The following ING3 variants were observed in gnomAD, a reference collection of about 807,000 sequenced individuals.
The protein encoded by ING3 is inhibitor of growth protein 3.
ING3 carries 6 observed loss-of-function variants against 64.8 expected under a neutral mutation model. The observed-to-expected ratio is 0.09, with a 90% confidence interval of 0.05 to 0.18. The LOEUF (loss-of-function observed/expected upper bound fraction) is 0.18, where lower values mean the gene tolerates loss of function less well. ING3 is among the 10% of genes least tolerant of loss of function. The pLI is 1.00. For synonymous variants in ING3, 170 were observed against 173.7 expected, an observed-to-expected ratio of 0.98 and a Z score of 0.17; for missense variants, 310 against 489.7, an observed-to-expected ratio of 0.63 and a Z score of 3.46.
intron 4 of ING3, among the ~76,000 whole-genome samples, chr7:120,957,466 G>A (rs547575499): frequency 6.6e-6 from 1 of 152,132 alleles, no homozygotes; most frequent in African/African-American, 2.4e-5. Flanking sequence ...AAACTAAAGT[G>A]GAGAATCCAT....
At chr7:120,973,083 A>T (rs191955506) in intron 10 of ING3, 122 bp from the exon 11 acceptor site, 4 of 602,852 alleles carry the variant, frequency 6.6e-6, no homozygotes, top group Non-Finnish European at 1.2e-5. Context: ...TTGATTCTCA[A>T]TGTAATTGTA....
intron 4 of ING3, chr7:120,956,332 A>G: frequency 7.1e-7 from 1 of 1,399,388 alleles, no homozygotes; most frequent in African/African-American, 1.4e-5. Flanking sequence ...CAGAAAACAC[A>G]TGCTCACTTT....
intron 11 of ING3, among the ~76,000 whole-genome samples, chr7:120,974,184 G>A (rs1350142205): frequency 6.7e-6 from 1 of 149,972 alleles, no homozygotes. Flanking sequence ...ATTCCCAGTT[G>A]TGCTCTTCTG....
In ING3 at chr7:120,950,841, C is replaced by A. The variant is rs1795746266; in HGVS notation, c.-56C>A. 1.9e-6 allele frequency: 3 copies of A among 1,594,864 alleles called. No individual in the cohort carries two copies. Among genetic ancestry groups the A allele is most frequent in the African/African-American group, 1.4e-5 (1 of 73,766 alleles). ...GGAGGGGACAAAACTCCGGCGACAGCGAGTGACACAAATAAACCCCTGGAC... is the reference window on the plus strand; with the variant it reads ...GGAGGGGACAAAACTCCGGCGACAGAGAGTGACACAAATAAACCCCTGGAC... On this transcript the variant is annotated 5_prime_UTR_variant, in exon 1 of 12. Transcript: ENST00000315870.
At chr7:120,954,920 GTACTT>G (rs1201354529) in intron 3 of ING3, among the ~76,000 whole-genome samples, 17 of 152,234 alleles carry the variant, frequency 1.1e-4, no homozygotes, top group African/African-American at 4.1e-4. Context: ...GAATGCAAAT[GTACTT>G]TACAAGTTAG....
At chr7:120,962,539 C>T (rs942723467) in intron 4 of ING3, among the ~76,000 whole-genome samples, 4 of 151,680 alleles carry the variant, frequency 2.6e-5, no homozygotes, top group Non-Finnish European at 4.4e-5. Context: ...TCCTTAAATG[C>T]AGAGGTGAAG....
chr7:120,970,703 T>C lies in ING3; in HGVS notation c.924T>C (p.Ser308=), dbSNP rs1296362290. 1.2e-6 allele frequency: 2 copies of C among 1,613,764 alleles called. No homozygotes were observed. Among genetic ancestry groups the C allele is most frequent in the Non-Finnish European group, 1.7e-6 (2 of 1,179,860 alleles). The part of the protein sequence containing the change: ...SGRKSKNNNK[S]SSQQSSSSSS... ...TTTTTTTCAGAAACAACAACAAGTC[T>C]TCAAGCCAGCAGTCATCATCTTCCT... The change falls in exon 10 of 12, where the codon TCT becomes TCC. Residue 308 remains serine (S), a synonymous_variant. Coordinates refer to ENST00000315870, the MANE Select transcript of ING3 (RefSeq NM_019071.3).
chr7:120,968,960 A>G, intron 8 of ING3, 51 bp from the exon 9 acceptor site: 2 of 1,182,100 alleles, frequency 1.7e-6, no homozygotes, highest in Non-Finnish European at 2.4e-6. Context: ...CTTGAAAAAG[A>G]AAATCTACAT....
intron 1 of ING3, 107 bp from the exon 2 acceptor site, chr7:120,951,057 C>G: frequency 6.7e-7 from 1 of 1,496,614 alleles, no homozygotes; most frequent in Non-Finnish European, 9.3e-7. Flanking sequence ...CTGGCAGCCT[C>G]GTTGTGGGCT....
intron 4 of ING3, 39 bp from the exon 5 acceptor site, chr7:120,964,703 C>G: frequency 6.4e-7 from 1 of 1,554,998 alleles, no homozygotes; most frequent in Non-Finnish European, 8.9e-7. Context: ...TAACAGTGTC[C>G]CAAATTTTGG....
chr7:120,956,198 T>G, intron 4 of ING3: 1 of 1,608,198 alleles, frequency 6.2e-7, no homozygotes, highest in Non-Finnish European at 8.5e-7. Context: ...AGAAGATAGA[T>G]AGAATATTCA....
intron 4 of ING3, among the ~76,000 whole-genome samples, chr7:120,964,027 A>AT (rs1219012754): frequency 1.3e-5 from 2 of 152,118 alleles, no homozygotes; most frequent in Non-Finnish European, 2.9e-5. Context: ...ACATTAAGAC[A>AT]TTTTTTGTTA....
chr7:120,965,293 T>C (rs1273090326), intron 5 of ING3, among the ~76,000 whole-genome samples: 2 of 152,184 alleles, frequency 1.3e-5, no homozygotes, highest in African/African-American at 2.4e-5. Context: ...TAACACTACC[T>C]CTTTTTCTTA....
In ING3 at chr7:120,976,748, C is replaced by G. The variant is rs1250662442; in HGVS notation, c.*1904C>G. 2.0e-5 allele frequency: 3 copies of G among 152,152 alleles called. No homozygotes were observed. Among genetic ancestry groups the G allele is most frequent in the Non-Finnish European group, 4.4e-5 (3 of 68,016 alleles). 9.4% of individuals were successfully genotyped at this position (152,152 alleles called of 1,614,324 possible). A position where few individuals can be genotyped will look rare whatever the true frequency, so the allele number is the denominator to read the frequency against. ...GTCTGAGTCAGGAACATCCTGTTAT[C>G]CAGCTGCTACATCCCCTTTCAGTGT... is the stretch of plus-strand genomic sequence containing the variant. On this transcript the variant is annotated 3_prime_UTR_variant, in exon 12 of 12. Coordinates refer to ENST00000315870, the MANE Select transcript of ING3 (RefSeq NM_019071.3).
intron 4 of ING3, chr7:120,956,990 G>A (rs901270477): frequency 1.4e-5 from 5 of 352,152 alleles, no homozygotes; most frequent in African/African-American, 6.6e-5. Context: ...GTGTGTGTGT[G>A]TATTCATCTC....
intron 5 of ING3, among the ~76,000 whole-genome samples, chr7:120,965,435 A>G (rs947887749): frequency 6.6e-6 from 1 of 152,200 alleles, no homozygotes; most frequent in Non-Finnish European, 1.5e-5. Flanking sequence ...TGGAAGCATG[A>G]GCACTGTTTC....
chr7:120,961,816 G>C (rs553752738), intron 4 of ING3, among the ~76,000 whole-genome samples: 1 of 152,162 alleles, frequency 6.6e-6, no homozygotes, highest in Admixed American at 6.5e-5. Context: ...AGGAAACTTT[G>C]TTTATAGCAC....
chr7:120,959,645 T>A (rs1029170145), intron 4 of ING3, among the ~76,000 whole-genome samples: 6 of 129,114 alleles, frequency 4.6e-5, no homozygotes, highest in Non-Finnish European at 8.2e-5. Context: ...TTTTTTTTTT[T>A]TTTTTTTTTT....
rs561515292 is a variant in ING3, at chr7:120,976,719, C to A, written c.*1875C>A. 29 of 152,254 alleles carry A rather than the reference C, an allele frequency of 1.9e-4. No homozygotes were observed. Among genetic ancestry groups the A allele is most frequent in the African/African-American group, 7.0e-4 (29 of 41,552 alleles). 9.4% of individuals were successfully genotyped at this position (152,254 alleles called of 1,614,324 possible). ...TACAGCCTTATTTGAAGAGAAAGTT[C>A]TTTGTCTGAGTCAGGAACATCCTGT... On this transcript the variant is annotated 3_prime_UTR_variant, in exon 12 of 12. Transcript: ENST00000315870.
Sources: gnomAD v4.1 joint callset for allele counts (sites outside exome capture counted in the v4.1 genomes callset) on GRCh38, gnomAD v4.1.1 for gene constraint, MANE v1.5 for transcripts, NCBI Gene and HGNC (gene_info 2026-07-23, HGNC 2026-07-21) for gene names.